The following ST6GALNAC3 variants were observed in gnomAD, a reference collection of about 807,000 sequenced individuals.
ST6GALNAC3 encodes the protein alpha-N-acetylgalactosaminide alpha-2,6-sialyltransferase 3.
Under a neutral mutation model 32.7 loss-of-function variants are expected in ST6GALNAC3, and 25 were observed. The observed-to-expected ratio is 0.76, with a 90% CI of 0.56 to 1.07. ST6GALNAC3 has a LOEUF of 1.07. ST6GALNAC3 is among the 50% of genes least tolerant of loss of function. The pLI is 0.00. For synonymous variants in ST6GALNAC3, 129 were observed against 133.1 expected, an observed-to-expected ratio of 0.97 and a Z score of 0.21; for missense variants, 355 against 382.4, an observed-to-expected ratio of 0.93 and a Z score of 0.60.
intron 3 of ST6GALNAC3, among the ~76,000 whole-genome samples, chr1:76,548,493 C>T (rs1664428655): frequency 1.3e-5 from 2 of 152,122 alleles, no homozygotes; most frequent in South Asian, 4.1e-4. Context: ...ATGCTTCACC[C>T]CAGCATCACT....
chr1:76,604,670 T>C (rs72680012), intron 3 of ST6GALNAC3, among the ~76,000 whole-genome samples: 3,571 of 152,290 alleles, frequency 0.023, 68 homozygotes, highest in Non-Finnish European at 0.036. Flanking sequence ...TAAATTCATA[T>C]TGGAATTTCT....
intron 2 of ST6GALNAC3, among the ~76,000 whole-genome samples, chr1:76,318,531 G>A (rs534009562): frequency 7.9e-5 from 12 of 152,216 alleles, no homozygotes; most frequent in Non-Finnish European, 1.6e-4. Flanking sequence ...CCAAAGCTTG[G>A]ATCAGGAGTG....
chr1:76,135,402 A>G (rs79648266), intron 1 of ST6GALNAC3, among the ~76,000 whole-genome samples: 3,120 of 152,282 alleles, frequency 0.02, 61 homozygotes, highest in Admixed American at 0.075. Flanking sequence ...ACATCTACTG[A>G]TATGATGGAA....
chr1:76,627,084 C>A (rs895321392), intron 3 of ST6GALNAC3, among the ~76,000 whole-genome samples: 1 of 151,978 alleles, frequency 6.6e-6, no homozygotes, highest in African/African-American at 2.4e-5. Context: ...GGGCTCCAAG[C>A]AACTTTAAGA....
At chr1:76,539,940 C>G (rs1198959115) in intron 3 of ST6GALNAC3, among the ~76,000 whole-genome samples, 2 of 152,160 alleles carry the variant, frequency 1.3e-5, no homozygotes, top group Non-Finnish European at 2.9e-5. Flanking sequence ...CTGTGGAAGA[C>G]AGTATGGTGA....
chr1:76,227,111 G>A (rs148383007), intron 1 of ST6GALNAC3, among the ~76,000 whole-genome samples: 26 of 152,286 alleles, frequency 1.7e-4, no homozygotes, highest in African/African-American at 5.8e-4. Context: ...CCAATTGATG[G>A]TACAAATGGA....
chr1:76,492,554 G>T (rs1192888511), intron 3 of ST6GALNAC3, among the ~76,000 whole-genome samples: 1 of 152,060 alleles, frequency 6.6e-6, no homozygotes, highest in African/African-American at 2.4e-5. Context: ...CCCCACCTGT[G>T]CCATAGAAAG....
chr1:76,365,519 A>T (rs914496646), intron 2 of ST6GALNAC3, among the ~76,000 whole-genome samples: 1 of 152,244 alleles, frequency 6.6e-6, no homozygotes, highest in African/African-American at 2.4e-5. Context: ...CCTTTATTAA[A>T]GGTAAAGCTA....
chr1:76,601,429 A>G (rs1647230804), intron 3 of ST6GALNAC3, among the ~76,000 whole-genome samples: 2 of 152,188 alleles, frequency 1.3e-5, no homozygotes, highest in African/African-American at 2.4e-5. Context: ...AAAAAGAGAA[A>G]ATTAAAGGGT....
intron 3 of ST6GALNAC3, among the ~76,000 whole-genome samples, chr1:76,578,143 G>A (rs1251835393): frequency 6.6e-6 from 1 of 152,046 alleles, no homozygotes; most frequent in East Asian, 1.9e-4. Context: ...TTTCTGGGAT[G>A]TACATGCCAC....
intron 1 of ST6GALNAC3, among the ~76,000 whole-genome samples, chr1:76,086,579 C>T (rs747675139): frequency 6.6e-6 from 1 of 152,142 alleles, no homozygotes; most frequent in East Asian, 1.9e-4. Context: ...CATCTCCAGC[C>T]TTCATGCCCC....
intron 1 of ST6GALNAC3, among the ~76,000 whole-genome samples, chr1:76,132,128 A>G (rs1649649130): frequency 6.6e-6 from 1 of 152,072 alleles, no homozygotes; most frequent in Non-Finnish European, 1.5e-5. Context: ...CCCCACTTCC[A>G]TATTTCCCGT....
intron 1 of ST6GALNAC3, among the ~76,000 whole-genome samples, chr1:76,308,681 A>G (rs1661214892): frequency 6.6e-6 from 1 of 152,188 alleles, no homozygotes. Flanking sequence ...GAATAAGTCA[A>G]ACAACTTGAA....
chr1:76,279,777 T>C (rs1302397994), intron 1 of ST6GALNAC3, among the ~76,000 whole-genome samples: 1 of 152,228 alleles, frequency 6.6e-6, no homozygotes, highest in African/African-American at 2.4e-5. Flanking sequence ...GGAGCCTTGC[T>C]GGAGTCTCCT....
intron 1 of ST6GALNAC3, among the ~76,000 whole-genome samples, chr1:76,184,598 C>T (rs1653430419): frequency 6.6e-6 from 1 of 150,938 alleles, no homozygotes; most frequent in Non-Finnish European, 1.5e-5. Flanking sequence ...TCTAGCTCTT[C>T]AGAGTTTGCC....
chr1:76,133,418 C>T (rs77308298), intron 1 of ST6GALNAC3, among the ~76,000 whole-genome samples: 3,111 of 152,264 alleles, frequency 0.02, 61 homozygotes, highest in Admixed American at 0.075. Context: ...AGTAAAGTGG[C>T]CAGCAGTCAA....
At chr1:76,371,335 T>A (rs1281784510) in intron 2 of ST6GALNAC3, among the ~76,000 whole-genome samples, 2 of 152,112 alleles carry the variant, frequency 1.3e-5, no homozygotes, top group African/African-American at 4.8e-5. Flanking sequence ...GAAGCATATG[T>A]GGTATTTATA....
intron 4 of ST6GALNAC3, 85 bp from the exon 5 acceptor site, chr1:76,628,535 A>T: frequency 8.0e-7 from 1 of 1,250,780 alleles, no homozygotes; most frequent in Non-Finnish European, 1.1e-6. Context: ...AAATGCATTT[A>T]CTGGGCACAT....
At chr1:76,613,772 G>A (rs955172193) in intron 3 of ST6GALNAC3, among the ~76,000 whole-genome samples, 4 of 152,210 alleles carry the variant, frequency 2.6e-5, no homozygotes, top group African/African-American at 9.6e-5. Context: ...TCATGATTGT[G>A]GGTTTCCTGA....
Sources: gnomAD v4.1 joint callset for allele counts (sites outside exome capture counted in the v4.1 genomes callset) on GRCh38, gnomAD v4.1.1 for gene constraint, MANE v1.5 for transcripts, NCBI Gene and HGNC (gene_info 2026-07-23, HGNC 2026-07-21) for gene names.